ETV6: variants seen among roughly 807,000 people sequenced by gnomAD.
ETV6 encodes ETS variant transcription factor 6, also known as transcription factor ETV6.
Under a neutral mutation model 51.1 loss-of-function variants are expected in ETV6, and 16 were observed. The ratio of observed to expected loss-of-function variants is 0.31; its 90% CI spans 0.21 to 0.48. The LOEUF is 0.48. Among genes scored for constraint, ETV6 ranks in the 20% least tolerant of loss-of-function variants. The pLI, the probability that ETV6 is intolerant of heterozygous loss-of-function variation, is 0.99. For synonymous variants in ETV6, 240 were observed against 224.1 expected (o/e 1.07, Z -0.64); for missense variants, 458 against 594.8 (o/e 0.77, Z 2.39).
intron 2 of ETV6, among the ~76,000 whole-genome samples, chr12:11,768,214 T>G (rs992540150): frequency 2.0e-5 from 3 of 152,226 alleles, no homozygotes; most frequent in Admixed American, 1.3e-4. Context: ...TAAAGAACTA[T>G]TAGCAATTTT....
At chr12:11,883,258 T>C (rs1483234551) in intron 5 of ETV6, among the ~76,000 whole-genome samples, 1 of 145,390 alleles carries the variant, frequency 6.9e-6, no homozygotes, top group East Asian at 2.1e-4. Flanking sequence ...AAGGGGAAGG[T>C]GTACATCATG....
intron 1 of ETV6, among the ~76,000 whole-genome samples, chr12:11,682,720 T>A (rs1258125854): frequency 6.6e-6 from 1 of 152,062 alleles, no homozygotes; most frequent in Non-Finnish European, 1.5e-5. Flanking sequence ...CCTAAAACCA[T>A]AAAAAGTCTT....
chr12:11,651,797 T>G lies in ETV6; in HGVS notation c.33+1637T>G, dbSNP rs1399988191. ...TGGCTCAGTGGCAATAAACCCGACA[T>G]CAGGAAAATCTGCCAACTACAGATC... On this transcript the variant is annotated intron_variant, in intron 1 of 7. Transcript: ENST00000396373. 2.6e-5 allele frequency among the ~76,000 whole-genome samples: 4 copies of G among 152,178 alleles called. No individual in the cohort carries two copies. The East Asian group carries it at 7.7e-4, about 29-fold the overall frequency.
chr12:11,751,595 C>A (rs1281358616), intron 1 of ETV6, among the ~76,000 whole-genome samples: 3 of 152,200 alleles, frequency 2.0e-5, no homozygotes, highest in African/African-American at 4.8e-5. Flanking sequence ...ATCCTTCTCA[C>A]CCCATCTAGT....
At chr12:11,838,795 C>T (rs1335997466) in intron 2 of ETV6, among the ~76,000 whole-genome samples, 2 of 152,188 alleles carry the variant, frequency 1.3e-5, no homozygotes, top group Admixed American at 6.5e-5. Context: ...TGGAACTGGG[C>T]AAGGAAGGGC....
rs750241551 is a variant in ETV6 at position 11,869,952 on chromosome 12, C to T, written c.992C>T (p.Pro331Leu). The part of the protein sequence containing the change: ...SVSPPEEHAM[P>L]IGRIADCRLL... ...TCCCCGCCTGAAGAGCACGCCATGC[C>T]CATTGGGAGAATAGCAGGTGAGTGA... The change falls in exon 5 of 8, where the codon CCC (proline) becomes CTC (leucine). Residue 331 changes from proline (P) to leucine (L), a missense_variant. Physicochemically the swap from Pro to Leu is moderately conservative, Grantham distance 98. Coordinates refer to ENST00000396373, the MANE Select transcript of ETV6 (RefSeq NM_001987.5). The surrounding 1 kb of genome is among the most constrained non-coding windows in gnomAD (Gnocchi z 5.0). 4 of 1,605,272 alleles carry T rather than the reference C, an allele frequency of 2.5e-6. No individual in the cohort carries two copies. The highest frequency in any genetic ancestry group is 1.7e-6 in the Non-Finnish European group (2 of 1,178,710).
In ETV6 at chr12:11,702,991, G is replaced by A. The variant is rs550361418; in HGVS notation, c.34-49459G>A. ...CGTGGTGGCACATGCCTGTAGTCCC[G>A]GCTACCTGAAAGGCTGAGGTGGGAG... On this transcript the variant is annotated intron_variant, in intron 1 of 7. Coordinates refer to ENST00000396373, the MANE Select transcript of ETV6 (RefSeq NM_001987.5). 4.8e-4 allele frequency among the ~76,000 whole-genome samples: 73 copies of A among 152,182 alleles called. No homozygotes were observed. In the South Asian group the frequency reaches 8.3e-3, roughly 17 times the overall value.
At chr12:11,701,368 T>C (rs1301016183) in intron 1 of ETV6, among the ~76,000 whole-genome samples, 1 of 152,218 alleles carries the variant, frequency 6.6e-6, no homozygotes, top group Non-Finnish European at 1.5e-5. Context: ...TCTCCGTAAG[T>C]GGAATCTCAT....
At chr12:11,726,587 G>A (rs1029393224) in intron 1 of ETV6, among the ~76,000 whole-genome samples, 1 of 152,104 alleles carries the variant, frequency 6.6e-6, no homozygotes, top group South Asian at 2.1e-4. Context: ...AGACCAGCCT[G>A]GACAACATAG....
intron 3 of ETV6, among the ~76,000 whole-genome samples, chr12:11,841,229 G>T (rs534325442): frequency 6.6e-6 from 1 of 152,200 alleles, no homozygotes; most frequent in Admixed American, 6.5e-5. Flanking sequence ...AAATCTGTCC[G>T]CAGTTCCTTG....
intron 5 of ETV6, among the ~76,000 whole-genome samples, chr12:11,874,807 A>G (rs1268219428): frequency 1.3e-5 from 2 of 149,454 alleles, no homozygotes; most frequent in Non-Finnish European, 3.0e-5. Flanking sequence ...ATTAAGATAC[A>G]TGCAGAATTG....
rs549267357 is a variant in ETV6, at chr12:11,887,969, AGAAGG to A, written c.1253+1946_1253+1950del. 5.3e-3 allele frequency among the ~76,000 whole-genome samples: 809 copies of A among 152,242 alleles called. 9 individuals carry two copies. Among genetic ancestry groups the A allele is most frequent in the African/African-American group, 0.019 (773 of 41,542 alleles). ...TAGAAGCCTGGGAACTACATTTCCC[AGAAGG>A]GACTGTTGCCAGAAGTTCCCAGGTT... On this transcript the variant is annotated intron_variant, in intron 7 of 7. Coordinates refer to ENST00000396373, the MANE Select transcript of ETV6 (RefSeq NM_001987.5).
intron 4 of ETV6, among the ~76,000 whole-genome samples, chr12:11,865,048 G>A (rs544814806): frequency 1.2e-4 from 18 of 152,202 alleles, no homozygotes; most frequent in African/African-American, 4.1e-4. Flanking sequence ...TCAGGAGATC[G>A]AGACCATCCT....
intron 4 of ETV6, among the ~76,000 whole-genome samples, chr12:11,868,311 C>G (rs916927129): frequency 2.6e-5 from 4 of 152,024 alleles, no homozygotes; most frequent in Non-Finnish European, 5.9e-5. Flanking sequence ...GGCTGTGTGA[C>G]CTTGGGTAAG....
chr12:11,752,882 C>G (rs1011051332), intron 2 of ETV6: 1 of 250,134 alleles, frequency 4.0e-6, no homozygotes, highest in Non-Finnish European at 7.6e-6. Flanking sequence ...AAGATGATTT[C>G]TGTGTGTGTG....
In ETV6 at chr12:11,693,134, G is replaced by GGCACTT. The variant is rs1368294627; in HGVS notation, c.33+42975_33+42976insCACTTG. 4.6e-5 allele frequency among the ~76,000 whole-genome samples: 7 copies of GGCACTT among 152,286 alleles called. No homozygotes were observed. The South Asian group carries it at 1.5e-3, about 32-fold the overall frequency. On this transcript the variant is annotated intron_variant, in intron 1 of 7. Coordinates refer to ENST00000396373, the MANE Select transcript of ETV6 (RefSeq NM_001987.5). ...TCTTAGAGAGTGCCTACCTCTCCTT[G>GGCACTT]GGAGAGAAGACTTACGGTGGTGGGA...
chr12:11,882,409 T>A (rs1947110935), intron 5 of ETV6, among the ~76,000 whole-genome samples: 1 of 151,992 alleles, frequency 6.6e-6, no homozygotes, highest in Non-Finnish European at 1.5e-5. Context: ...ATAGCATGGG[T>A]TTTGGGGTCA....
chr12:11,659,053 C>T (rs1013421173), intron 1 of ETV6, among the ~76,000 whole-genome samples: 1 of 152,222 alleles, frequency 6.6e-6, no homozygotes, highest in African/African-American at 2.4e-5. Flanking sequence ...CCATGTCTGT[C>T]TGACCACAGA....
chr12:11,769,897 C>T (rs984333393), intron 2 of ETV6, among the ~76,000 whole-genome samples: 3 of 152,120 alleles, frequency 2.0e-5, no homozygotes, highest in Admixed American at 6.5e-5. Flanking sequence ...AGCTGTGACT[C>T]CCTGGGTGTG....
Sources: gnomAD v4.1 joint callset for allele counts (sites outside exome capture counted in the v4.1 genomes callset) on GRCh38, gnomAD v4.1.1 for gene constraint, Gnocchi (gnomAD v3.1) non-coding constraint, MANE v1.5 for transcripts, NCBI Gene and HGNC (gene_info 2026-07-23, HGNC 2026-07-21) for gene names.